The following KCNIP4 variants were observed in gnomAD, a reference collection of about 807,000 sequenced individuals.
KCNIP4 encodes the protein Kv channel-interacting protein 4.
A neutral mutation model predicts 34.0 loss-of-function variants in KCNIP4; 12 were observed. That is an observed-to-expected ratio of 0.35 (90% CI 0.23 to 0.57). The LOEUF is 0.57. Among genes scored for constraint, KCNIP4 ranks in the 20% least tolerant of loss-of-function variants. The pLI is 0.83. For missense variants in KCNIP4, 238 were observed against 311.7 expected, an observed-to-expected ratio of 0.76 and a Z score of 1.78; for synonymous variants, 124 against 102.2, an observed-to-expected ratio of 1.21 and a Z score of -1.29.
At chr4:21,247,800 G>GAT (rs369985938) in intron 1 of KCNIP4, among the ~76,000 whole-genome samples, 2,231 of 50,712 alleles carry the variant, frequency 0.044, 95 homozygotes, top group African/African-American at 0.13. Context: ...ACCACAGGTG[G>GAT]ATATATATAT....
intron 1 of KCNIP4, among the ~76,000 whole-genome samples, chr4:20,903,759 A>T (rs1464793844): frequency 6.6e-6 from 1 of 152,118 alleles, no homozygotes; most frequent in African/African-American, 2.4e-5. Context: ...GGCCATGGTC[A>T]CTCATATTTG....
Position 20,753,715 on chromosome 4 carries a change from GCCCTCTGTAAAT to G in KCNIP4, c.359-3995_359-3984del, listed in dbSNP as rs563144883. On this transcript the variant is annotated intron_variant, in intron 4 of 8. Coordinates refer to ENST00000382152, the MANE Select transcript of KCNIP4 (RefSeq NM_025221.6). ...TGTGAATAGTAGCTTCTGTCAATAAGCCCTCTGTAAATCACCCTGAAAATTGTTAGAAATACT... is the reference window on the plus strand; with the variant it reads ...TGTGAATAGTAGCTTCTGTCAATAAGCACCCTGAAAATTGTTAGAAATACT... 2.3e-3 allele frequency among the ~76,000 whole-genome samples: 352 copies of G among 152,234 alleles called. 8 individuals carry two copies. The South Asian group carries it at 0.046, about 20-fold the overall frequency.
intron 1 of KCNIP4, among the ~76,000 whole-genome samples, chr4:21,630,523 A>G (rs1238850216): frequency 1.3e-5 from 2 of 151,440 alleles, no homozygotes; most frequent in East Asian, 3.9e-4. Context: ...ACTCATGTTC[A>G]TATTATCTAA....
At chr4:21,937,517 T>C (rs1465843727) in intron 1 of KCNIP4, among the ~76,000 whole-genome samples, 2 of 152,114 alleles carry the variant, frequency 1.3e-5, no homozygotes, top group Non-Finnish European at 2.9e-5. Context: ...TTTGTGAAAT[T>C]TGATGGTCTT....
chr4:21,667,064 A>G (rs1284394880), intron 1 of KCNIP4, among the ~76,000 whole-genome samples: 2 of 152,228 alleles, frequency 1.3e-5, no homozygotes, highest in Non-Finnish European at 2.9e-5. Context: ...AAATCCAGTT[A>G]TACTCCCCTT....
intron 1 of KCNIP4, among the ~76,000 whole-genome samples, chr4:21,239,621 A>T (rs1032175696): frequency 6.6e-6 from 1 of 152,254 alleles, no homozygotes; most frequent in Non-Finnish European, 1.5e-5. Flanking sequence ...GACACATGAA[A>T]AAATGCTCAT....
At chr4:21,363,641 A>G (rs1212136081) in intron 1 of KCNIP4, among the ~76,000 whole-genome samples, 5 of 152,144 alleles carry the variant, frequency 3.3e-5, no homozygotes, top group Non-Finnish European at 7.3e-5. Flanking sequence ...CTGATTTTTA[A>G]TATGTACTTT....
intron 1 of KCNIP4, among the ~76,000 whole-genome samples, chr4:21,466,660 G>T (rs1022388531): frequency 6.6e-6 from 1 of 152,050 alleles, no homozygotes; most frequent in Non-Finnish European, 1.5e-5. Flanking sequence ...AATATTAAGG[G>T]TATAAAGCAT....
At chr4:21,433,073 A>G (rs532157823) in intron 1 of KCNIP4, among the ~76,000 whole-genome samples, 22 of 152,140 alleles carry the variant, frequency 1.4e-4, no homozygotes, top group Admixed American at 2.0e-4. Flanking sequence ...ATTGACCCCA[A>G]TTCTTTCACC....
At chr4:21,877,843 C>T (rs1391621479) in intron 1 of KCNIP4, among the ~76,000 whole-genome samples, 3 of 152,154 alleles carry the variant, frequency 2.0e-5, no homozygotes, top group African/African-American at 7.2e-5. Context: ...CAGCAAAAAC[C>T]TAGAAGGCCT....
At chr4:21,564,497 C>T (rs191798948) in intron 1 of KCNIP4, among the ~76,000 whole-genome samples, 4 of 152,224 alleles carry the variant, frequency 2.6e-5, no homozygotes, top group Non-Finnish European at 4.4e-5. Context: ...TTGCTCTTTA[C>T]ATTCAGTCTT....
chr4:21,402,005 T>C (rs937187827), intron 1 of KCNIP4, among the ~76,000 whole-genome samples: 1 of 152,218 alleles, frequency 6.6e-6, no homozygotes, highest in Non-Finnish European at 1.5e-5. Flanking sequence ...ATCTTTAGCA[T>C]ATCCTGGATG....
At chr4:21,049,013 C>G (rs1474297295) in intron 1 of KCNIP4, among the ~76,000 whole-genome samples, 1 of 142,756 alleles carries the variant, frequency 7.0e-6, no homozygotes, top group Non-Finnish European at 1.5e-5. Context: ...TGCAGTGGCG[C>G]GATCTCGGCT....
intron 1 of KCNIP4, among the ~76,000 whole-genome samples, chr4:21,125,300 C>A (rs1039381736): frequency 1.3e-5 from 2 of 150,592 alleles, no homozygotes; most frequent in South Asian, 2.1e-4. Context: ...TCACAGCAAC[C>A]TCCGCCTCAG....
chr4:21,381,662 A>C (rs1489066736), intron 1 of KCNIP4, among the ~76,000 whole-genome samples: 1 of 152,198 alleles, frequency 6.6e-6, no homozygotes, highest in Non-Finnish European at 1.5e-5. Flanking sequence ...CTTGGGCTTC[A>C]TATCTTGCCA....
At chr4:21,723,664 G>A (rs1057438761) in intron 1 of KCNIP4, among the ~76,000 whole-genome samples, 11 of 152,046 alleles carry the variant, frequency 7.2e-5, no homozygotes, top group Admixed American at 5.3e-4. Context: ...ATTAATACAC[G>A]TAAATTCCTA....
At chr4:21,686,318 AAT>A (rs1750799287) in intron 1 of KCNIP4, among the ~76,000 whole-genome samples, 1 of 152,148 alleles carries the variant, frequency 6.6e-6, no homozygotes, top group South Asian at 2.1e-4. Context: ...AAAGCATGGT[AAT>A]ATGTTTTTTT....
At chr4:21,423,357 C>T (rs1007523410) in intron 1 of KCNIP4, among the ~76,000 whole-genome samples, 4 of 152,282 alleles carry the variant, frequency 2.6e-5, no homozygotes, top group South Asian at 2.1e-4. Flanking sequence ...ACATTGCAAG[C>T]GAGAACGTGA....
intron 1 of KCNIP4, among the ~76,000 whole-genome samples, chr4:20,933,868 A>T (rs1020641379): frequency 6.6e-6 from 1 of 152,140 alleles, no homozygotes; most frequent in Non-Finnish European, 1.5e-5. Flanking sequence ...ACTTCCATGT[A>T]CTGGAAAAAC....
Sources: gnomAD v4.1 joint callset for allele counts (sites outside exome capture counted in the v4.1 genomes callset) on GRCh38, gnomAD v4.1.1 for gene constraint, MANE v1.5 for transcripts, NCBI Gene and HGNC (gene_info 2026-07-23, HGNC 2026-07-21) for gene names.